TTC28: variants seen among roughly 807,000 people sequenced by gnomAD.
The protein encoded by TTC28 is tetratricopeptide repeat protein 28.
TTC28 carries 61 observed loss-of-function variants against 198.0 expected under a neutral mutation model. That is an observed-to-expected ratio of 0.31 (90% confidence interval 0.25 to 0.38). TTC28 has a LOEUF of 0.38. Ranked by LOEUF, TTC28 falls within the 10% of genes least tolerant of loss-of-function variation. The pLI, the probability that TTC28 is intolerant of heterozygous loss-of-function variation, is 1.00. For missense variants in TTC28, 2,678 were observed against 3,164.0 expected, an observed-to-expected ratio of 0.85 and a Z score of 3.69; for synonymous variants, 1,171 against 1,297.8, an observed-to-expected ratio of 0.90 and a Z score of 2.10.
intron 1 of TTC28, among the ~76,000 whole-genome samples, chr22:28,645,287 C>G (rs1339823878): frequency 1.3e-5 from 2 of 152,058 alleles, no homozygotes; most frequent in African/African-American, 2.4e-5. Context: ...AACACAGATG[C>G]AAAAATCCTC....
rs2049219047 is a variant in TTC28 at position 28,534,452 on chromosome 22, TAC to T, written c.381+95098_381+95099del. On this transcript the variant is annotated intron_variant, in intron 2 of 22. Coordinates refer to ENST00000397906, the MANE Select transcript of TTC28 (RefSeq NM_001145418.2). ...GGATGTGGAGAAATAGGAACACTTT[TAC>T]ACTGTTGGTGGGACTGTAAACTAGT... Among the ~76,000 whole-genome samples, 6 of 152,344 alleles carry T rather than the reference TAC, an allele frequency of 3.9e-5. No homozygotes were observed. The South Asian group carries it at 1.2e-3, about 32-fold the overall frequency.
intron 1 of TTC28, among the ~76,000 whole-genome samples, chr22:28,648,993 CACCATGGAATACTACTCA>C (rs1463656688): frequency 6.6e-6 from 1 of 152,068 alleles, no homozygotes; most frequent in Non-Finnish European, 1.5e-5. Context: ...GGTATGTATA[CACCATGGAATACTACTCA>C]ACCATAAAAA....
At chr22:28,335,833 C>A (rs1267064896) in intron 2 of TTC28, among the ~76,000 whole-genome samples, 1 of 152,038 alleles carries the variant, frequency 6.6e-6, no homozygotes, top group Admixed American at 6.6e-5. Context: ...CATTTATTTT[C>A]TTCTCCTGCC....
At chr22:28,024,226 AG>A (rs1193056744) in intron 13 of TTC28, among the ~76,000 whole-genome samples, 2 of 152,184 alleles carry the variant, frequency 1.3e-5, no homozygotes, top group Admixed American at 1.3e-4. Flanking sequence ...ATAAAGCACC[AG>A]GAAGTTTTAG....
At chr22:28,537,340 A>AACTAAACTAAACT (rs1601534517) in intron 2 of TTC28, among the ~76,000 whole-genome samples, 2 of 149,148 alleles carry the variant, frequency 1.3e-5, no homozygotes, top group East Asian at 3.9e-4. Flanking sequence ...AAATAAAATA[A>AACTAAACTAAACT]AAACAAGAAT....
At chr22:28,531,788 A>G (rs1352198676) in intron 2 of TTC28, among the ~76,000 whole-genome samples, 1 of 152,224 alleles carries the variant, frequency 6.6e-6, no homozygotes, top group African/African-American at 2.4e-5. Flanking sequence ...TGGAAACTGA[A>G]CAACCTGCTC....
chr22:28,030,147 A>ATCTCGGTGGTC, intron 13 of TTC28, 79 bp downstream of exon 13: 12 of 1,505,034 alleles, frequency 8.0e-6, no homozygotes, highest in South Asian at 5.2e-5. Flanking sequence ...AGCTGGAAGG[A>ATCTCGGTGGTC]GCATCCACTG....
chr22:28,601,809 C>T (rs1470755581), intron 2 of TTC28, among the ~76,000 whole-genome samples: 1 of 151,070 alleles, frequency 6.6e-6, no homozygotes, highest in Non-Finnish European at 1.5e-5. Flanking sequence ...CACACACACA[C>T]ACACACAGTT....
At chr22:28,220,640 TCCAGC>T (rs1402355073) in intron 5 of TTC28, among the ~76,000 whole-genome samples, 2 of 152,106 alleles carry the variant, frequency 1.3e-5, no homozygotes, top group Non-Finnish European at 2.9e-5. Context: ...AGAGAGAGAC[TCCAGC>T]AAAATGAGGG....
chr22:28,374,909 A>T (rs1346927660), intron 2 of TTC28, among the ~76,000 whole-genome samples: 2 of 151,160 alleles, frequency 1.3e-5, no homozygotes, highest in African/African-American at 4.9e-5. Flanking sequence ...CAGGCTGTTC[A>T]TGAATGTAAG....
chr22:28,336,829 C>G (rs1344936402), intron 2 of TTC28, among the ~76,000 whole-genome samples: 1 of 152,112 alleles, frequency 6.6e-6, no homozygotes, highest in Admixed American at 6.5e-5. Flanking sequence ...CTTTTTGTGT[C>G]TCTATGACCT....
At chr22:28,400,156 G>A (rs1013666898) in intron 2 of TTC28, among the ~76,000 whole-genome samples, 3 of 151,824 alleles carry the variant, frequency 2.0e-5, no homozygotes, top group Admixed American at 6.6e-5. Flanking sequence ...TTTTCATCTT[G>A]TCTAACTCCT....
intron 5 of TTC28, among the ~76,000 whole-genome samples, chr22:28,289,050 G>T (rs1444603167): frequency 6.6e-6 from 1 of 152,178 alleles, no homozygotes; most frequent in African/African-American, 2.4e-5. Flanking sequence ...AAAGTTCTTA[G>T]AGGAGGGTAC....
At chr22:28,000,108 C>T (rs1030676668) in intron 15 of TTC28, 2 of 152,198 alleles carry the variant, frequency 1.3e-5, no homozygotes, top group African/African-American at 4.8e-5. Context: ...CGGTGGGCCG[C>T]TGGGTGGCAG....
At chr22:28,298,392 T>A (rs192722008) in intron 3 of TTC28, among the ~76,000 whole-genome samples, 1 of 152,326 alleles carries the variant, frequency 6.6e-6, no homozygotes, top group East Asian at 1.9e-4. Flanking sequence ...TGGCACAATG[T>A]GGGTACTCAG....
At chr22:28,480,230 A>C (rs1233017863) in intron 2 of TTC28, among the ~76,000 whole-genome samples, 1 of 152,152 alleles carries the variant, frequency 6.6e-6, no homozygotes, top group Non-Finnish European at 1.5e-5. Context: ...AGTTGGGGAA[A>C]TTTTTGCAAA....
chr22:28,139,026 A>C lies in TTC28; in HGVS notation c.1441+24066T>G, dbSNP rs143706343. ...TATTAGGATTGTATCTTGATTTCTG[A>C]GGTGGGGGGATTTTTATCCTGATTT... On this transcript the variant is annotated intron_variant, in intron 6 of 22. Coordinates refer to ENST00000397906, the MANE Select transcript of TTC28 (RefSeq NM_001145418.2). 1.5e-3 allele frequency among the ~76,000 whole-genome samples: 229 copies of C among 149,682 alleles called. 3 individuals carry two copies. In the East Asian group the frequency reaches 0.023, roughly 15 times the overall value.
chr22:28,581,761 A>G (rs2050236851), intron 2 of TTC28, among the ~76,000 whole-genome samples: 1 of 152,240 alleles, frequency 6.6e-6, no homozygotes, highest in South Asian at 2.1e-4. Flanking sequence ...ACGAACAAAC[A>G]AAAGAACATT....
intron 2 of TTC28, among the ~76,000 whole-genome samples, chr22:28,354,702 TAAATAA>T (rs963637755): frequency 2.0e-5 from 3 of 152,006 alleles, no homozygotes; most frequent in Non-Finnish European, 4.4e-5. Context: ...CCACAATAAA[TAAATAA>T]AAGAACAAAC....
Sources: allele counts gnomAD v4.1 joint callset (sites outside exome capture counted in the v4.1 genomes callset), GRCh38; gene constraint gnomAD v4.1.1; transcripts MANE v1.5; gene names NCBI Gene and HGNC (gene_info 2026-07-23, HGNC 2026-07-21).